Variants in CFAP20DC observed in about 807,000 individuals in gnomAD.
The protein encoded by CFAP20DC is CFAP20 domain containing.
A neutral mutation model predicts 101.7 loss-of-function variants in CFAP20DC; 84 were observed. That is an observed-to-expected ratio of 0.83 (90% CI 0.69 to 0.99). CFAP20DC has a LOEUF of 0.99. Among genes scored for constraint, CFAP20DC ranks in the 50% least tolerant of loss-of-function variants. The pLI is 0.00. For missense variants in CFAP20DC, 1,007 were observed against 970.3 expected (o/e 1.04, Z -0.50); for synonymous variants, 359 against 351.2 (o/e 1.02, Z -0.25).
At position 58,985,549 on chromosome 3, in the gene CFAP20DC, C is replaced by T. The variant is rs552775447; in HGVS notation, c.279-47787G>A. Among the ~76,000 whole-genome samples, 30 of 152,270 alleles carry T rather than the reference C, an allele frequency of 2.0e-4. No individual in the cohort carries two copies. In the South Asian group the frequency reaches 3.5e-3, roughly 18 times the overall value. On this transcript the variant is annotated intron_variant, in intron 4 of 16. Transcript: ENST00000482387. ...TGCCTATTTCTTCAGATCCATCTATCATCACTTCTCCACTCACTCCTTATT... is the reference window on the plus strand; with the variant it reads ...TGCCTATTTCTTCAGATCCATCTATTATCACTTCTCCACTCACTCCTTATT...
chr3:58,930,265 C>T (rs368229921), intron 5 of CFAP20DC, among the ~76,000 whole-genome samples: 2 of 152,146 alleles, frequency 1.3e-5, no homozygotes, highest in South Asian at 4.2e-4. Flanking sequence ...CCTCACTAAC[C>T]CTAATCTGGA....
chr3:58,814,573 GT>G (rs1176225728), intron 14 of CFAP20DC, among the ~76,000 whole-genome samples: 1 of 151,358 alleles, frequency 6.6e-6, no homozygotes, highest in Non-Finnish European at 1.5e-5. Context: ...AATTGTCTCT[GT>G]TTGCAGATGA....
At chr3:58,935,619 G>T (rs931025673) in intron 5 of CFAP20DC, among the ~76,000 whole-genome samples, 2 of 151,990 alleles carry the variant, frequency 1.3e-5, no homozygotes, top group Non-Finnish European at 2.9e-5. Flanking sequence ...AAATAACGCC[G>T]CATATCTACA....
chr3:58,895,932 C>T (rs1462651031), intron 6 of CFAP20DC, among the ~76,000 whole-genome samples: 2 of 152,162 alleles, frequency 1.3e-5, no homozygotes, highest in African/African-American at 4.8e-5. Flanking sequence ...GACTTATTCG[C>T]TATTACAAGA....
At chr3:58,879,753 G>A (rs767605846) in intron 7 of CFAP20DC, among the ~76,000 whole-genome samples, 31 of 151,846 alleles carry the variant, frequency 2.0e-4, no homozygotes, top group Non-Finnish European at 3.8e-4. Context: ...GTTGGTGGAG[G>A]GCATTGATTA....
chr3:58,867,763 T>C, intron 10 of CFAP20DC, 54 bp downstream of exon 10: 1 of 1,602,498 alleles, frequency 6.2e-7, no homozygotes, highest in Non-Finnish European at 8.5e-7. Context: ...AGAGAGAGAT[T>C]CGATTGCCCT....
chr3:58,987,846 C>T (rs1004830807), intron 4 of CFAP20DC, among the ~76,000 whole-genome samples: 4 of 151,740 alleles, frequency 2.6e-5, no homozygotes, highest in East Asian at 1.9e-4. Context: ...AAAATCTATC[C>T]ACTAAAAAGC....
chr3:58,982,916 A>T (rs2108523549), intron 4 of CFAP20DC, among the ~76,000 whole-genome samples: 1 of 152,228 alleles, frequency 6.6e-6, no homozygotes, highest in South Asian at 2.1e-4. Flanking sequence ...GGAAGACAGG[A>T]TTTTTCTCAA....
chr3:58,764,108 G>A (rs1025025049), intron 15 of CFAP20DC, among the ~76,000 whole-genome samples: 44 of 152,282 alleles, frequency 2.9e-4, no homozygotes, highest in African/African-American at 1.0e-3. Context: ...GCTGCCTTTT[G>A]TTTGGCTATG....
intron 12 of CFAP20DC, among the ~76,000 whole-genome samples, chr3:58,855,392 C>G (rs1344203074): frequency 6.6e-6 from 1 of 152,142 alleles, no homozygotes; most frequent in Admixed American, 6.5e-5. Context: ...GTTGCTGGGA[C>G]TGTAAACTAG....
At chr3:58,936,456 T>C (rs550031884) in intron 5 of CFAP20DC, among the ~76,000 whole-genome samples, 3 of 152,178 alleles carry the variant, frequency 2.0e-5, no homozygotes, top group Non-Finnish European at 4.4e-5. Context: ...ATCATGCTGC[T>C]ATAAAGACAC....
chr3:58,973,175 C>G (rs560608281), intron 4 of CFAP20DC, among the ~76,000 whole-genome samples: 18 of 152,236 alleles, frequency 1.2e-4, no homozygotes, highest in African/African-American at 3.6e-4. Flanking sequence ...TCTAGATATT[C>G]AGCCCTAACT....
At chr3:58,876,989 G>T (rs540561525) in intron 7 of CFAP20DC, among the ~76,000 whole-genome samples, 2 of 152,118 alleles carry the variant, frequency 1.3e-5, no homozygotes, top group African/African-American at 4.8e-5. Context: ...CTCTTCATCC[G>T]TAAGACTGGG....
Position 58,786,802 on chromosome 3 carries a change from G to T in CFAP20DC, c.2237+19593C>A, listed in dbSNP as rs569922542. 5.3e-5 allele frequency among the ~76,000 whole-genome samples: 8 copies of T among 150,256 alleles called. No individual in the cohort carries two copies. The Admixed American group carries it at 5.5e-4, about 10-fold the overall frequency. On this transcript the variant is annotated intron_variant, in intron 15 of 16. Coordinates refer to ENST00000482387, the MANE Select transcript of CFAP20DC (RefSeq NM_001394063.1). The stretch of plus-strand genomic sequence containing the variant: ...GGAAAGAAAAAAATCATATACTGAG[G>T]TTGCTAAGATCTATGGTAAGAATAA...
chr3:58,833,652 A>G (rs1443483295), intron 13 of CFAP20DC, among the ~76,000 whole-genome samples: 1 of 152,198 alleles, frequency 6.6e-6, no homozygotes, highest in African/African-American at 2.4e-5. Flanking sequence ...CACTTTGGAA[A>G]ACAGTTTGGC....
At chr3:58,969,016 G>C (rs145344087) in intron 4 of CFAP20DC, among the ~76,000 whole-genome samples, 2,127 of 152,276 alleles carry the variant, frequency 0.014, 29 homozygotes, top group Non-Finnish European at 0.021. Context: ...TCAGATGGCT[G>C]TAGATGTGTG....
chr3:58,816,502 C>A (rs1475342424), intron 14 of CFAP20DC, among the ~76,000 whole-genome samples: 1 of 152,310 alleles, frequency 6.6e-6, no homozygotes, highest in African/African-American at 2.4e-5. Context: ...TCAGGGAGTT[C>A]CCTTTCCGAG....
At chr3:58,775,674 A>G (rs1296109573) in intron 15 of CFAP20DC, among the ~76,000 whole-genome samples, 3 of 151,936 alleles carry the variant, frequency 2.0e-5, no homozygotes, top group Non-Finnish European at 2.9e-5. Flanking sequence ...GTTAAAGCCT[A>G]TCTGCTGGTT....
chr3:58,978,085 G>A (rs1206621479), intron 4 of CFAP20DC, among the ~76,000 whole-genome samples: 1 of 152,202 alleles, frequency 6.6e-6, no homozygotes, highest in Non-Finnish European at 1.5e-5. Context: ...GCCAAGGCCT[G>A]CATAGCTCTT....
Sources: allele counts gnomAD v4.1 joint callset (sites outside exome capture counted in the v4.1 genomes callset), GRCh38; gene constraint gnomAD v4.1.1; transcripts MANE v1.5; gene names NCBI Gene and HGNC (gene_info 2026-07-23, HGNC 2026-07-21).